The following CCBE1 variants were observed in gnomAD, a reference collection of about 807,000 sequenced individuals.
The protein encoded by CCBE1 is collagen and calcium binding EGF domains 1.
A neutral mutation model predicts 50.0 loss-of-function variants in CCBE1; 37 were observed. The observed-to-expected ratio is 0.74, with a 90% CI of 0.57 to 0.97. CCBE1 has a LOEUF of 0.97. Ranked by LOEUF, CCBE1 falls within the 50% of genes least tolerant of loss-of-function variation. CCBE1 has a pLI of 0.00. For missense variants in CCBE1, 538 were observed against 523.8 expected (o/e 1.03, Z -0.26); for synonymous variants, 234 against 203.7 (o/e 1.15, Z -1.27).
chr18:59,578,034 A>G (rs1423950282), intron 2 of CCBE1, among the ~76,000 whole-genome samples: 1 of 152,238 alleles, frequency 6.6e-6, no homozygotes, highest in African/African-American at 2.4e-5. Context: ...AACCTACAGA[A>G]TGGGAGAAAA....
chr18:59,614,040 G>A (rs1284544969), intron 2 of CCBE1, among the ~76,000 whole-genome samples: 1 of 151,878 alleles, frequency 6.6e-6, no homozygotes, highest in African/African-American at 2.4e-5. Context: ...GTGGAGTCTC[G>A]CTCTGCACTG....
At chr18:59,589,009 C>A (rs2053219129) in intron 2 of CCBE1, among the ~76,000 whole-genome samples, 1 of 152,168 alleles carries the variant, frequency 6.6e-6, no homozygotes. Context: ...TCCCAGCATC[C>A]CAGAGGGAGG....
intron 2 of CCBE1, among the ~76,000 whole-genome samples, chr18:59,568,983 C>G (rs1307436154): frequency 6.6e-6 from 1 of 152,226 alleles, no homozygotes; most frequent in Non-Finnish European, 1.5e-5. Flanking sequence ...CCACTACCTT[C>G]ACGGATGTCT....
At chr18:59,585,535 T>A (rs2053167040) in intron 2 of CCBE1, among the ~76,000 whole-genome samples, 1 of 152,180 alleles carries the variant, frequency 6.6e-6, no homozygotes, top group Admixed American at 6.5e-5. Context: ...TCCATTGGGA[T>A]TTTCTGAGAA....
chr18:59,493,545 CTTTTTTTT>C (rs56316631), intron 2 of CCBE1, among the ~76,000 whole-genome samples: 1 of 149,258 alleles, frequency 6.7e-6, no homozygotes, highest in African/African-American at 2.5e-5. Flanking sequence ...CTCATAAAAA[CTTTTTTTT>C]TTTTAACAGG....
chr18:59,693,489 A>G (rs1446537138), intron 2 of CCBE1, among the ~76,000 whole-genome samples: 1 of 152,104 alleles, frequency 6.6e-6, no homozygotes, highest in African/African-American at 2.4e-5. Context: ...AAAAGGGGGA[A>G]AAAAAGAACC....
intron 2 of CCBE1, among the ~76,000 whole-genome samples, chr18:59,680,345 C>A (rs1013489332): frequency 6.6e-6 from 1 of 152,098 alleles, no homozygotes; most frequent in Non-Finnish European, 1.5e-5. Context: ...TCCAGTTTGA[C>A]TTTTCCCTTT....
At position 59,454,404 on chromosome 18, in the gene CCBE1, C is replaced by T. The variant is rs999674420; in HGVS notation, c.654+447G>A. Among the ~76,000 whole-genome samples, 7 of 152,088 alleles carry T rather than the reference C, an allele frequency of 4.6e-5. No individual in the cohort carries two copies. The East Asian group carries it at 1.4e-3, about 29-fold the overall frequency. On this transcript the variant is annotated intron_variant, in intron 6 of 10. Coordinates refer to ENST00000439986, the MANE Select transcript of CCBE1 (RefSeq NM_133459.4). ...GGATTACAGGTGCCCACCACCACAC[C>T]CAGCTAATTTTTGTATTTTTTAGTA...
chr18:59,665,134 T>C (rs1390605857), intron 2 of CCBE1, among the ~76,000 whole-genome samples: 1 of 151,922 alleles, frequency 6.6e-6, no homozygotes, highest in East Asian at 1.9e-4. Flanking sequence ...TCTTAGTGCA[T>C]GTACAACTTC....
At chr18:59,495,833 C>T (rs886800090) in intron 2 of CCBE1, among the ~76,000 whole-genome samples, 6 of 152,096 alleles carry the variant, frequency 3.9e-5, no homozygotes, top group Non-Finnish European at 8.8e-5. Flanking sequence ...CTGCCGCTCT[C>T]GGGTGGTAAT....
intron 2 of CCBE1, among the ~76,000 whole-genome samples, chr18:59,482,483 G>A (rs1050030559): frequency 3.9e-5 from 6 of 152,202 alleles, no homozygotes; most frequent in Admixed American, 2.6e-4. Context: ...CTACTATAAA[G>A]ATACAGGCAC....
intron 2 of CCBE1, among the ~76,000 whole-genome samples, chr18:59,692,399 C>CAA (rs1248750752): frequency 2.6e-5 from 4 of 152,166 alleles, no homozygotes; most frequent in African/African-American, 4.8e-5. Flanking sequence ...CTCAAGGTCA[C>CAA]AAAACCACCA....
chr18:59,605,391 G>A (rs1237417294), intron 2 of CCBE1, among the ~76,000 whole-genome samples: 13 of 152,170 alleles, frequency 8.5e-5, no homozygotes, highest in Non-Finnish European at 2.9e-5. Flanking sequence ...TTGGAATAAG[G>A]CATGAACTAG....
intron 2 of CCBE1, among the ~76,000 whole-genome samples, chr18:59,638,444 CT>C (rs202145130): frequency 0.015 from 2,316 of 152,300 alleles, 32 homozygotes; most frequent in Middle Eastern, 0.054. Context: ...ATCAGCACCA[CT>C]AGAGAACTTG....
At chr18:59,458,142 ATCC>A (rs1911286612) in intron 5 of CCBE1, among the ~76,000 whole-genome samples, 1 of 148,674 alleles carries the variant, frequency 6.7e-6, no homozygotes, top group African/African-American at 2.4e-5. Context: ...CCATCCATCC[ATCC>A]ATCTATCCAT....
chr18:59,562,438 A>T (rs572218847), intron 2 of CCBE1, among the ~76,000 whole-genome samples: 1 of 152,250 alleles, frequency 6.6e-6, no homozygotes, highest in Admixed American at 6.5e-5. Context: ...GCACAGAGAG[A>T]GGCAGAGACA....
chr18:59,437,424 G>C (rs113806257), intron 10 of CCBE1, among the ~76,000 whole-genome samples: 8 of 152,288 alleles, frequency 5.3e-5, no homozygotes, highest in African/African-American at 1.9e-4. Context: ...ACTGCACAGT[G>C]GGGGGCAAGA....
chr18:59,671,649 C>A (rs1469376762), intron 2 of CCBE1, among the ~76,000 whole-genome samples: 1 of 151,938 alleles, frequency 6.6e-6, no homozygotes, highest in Non-Finnish European at 1.5e-5. Context: ...ATGAACAGAG[C>A]TCAATAGGAA....
intron 2 of CCBE1, among the ~76,000 whole-genome samples, chr18:59,645,183 C>T (rs1326385312): frequency 1.3e-5 from 2 of 152,156 alleles, no homozygotes; most frequent in African/African-American, 2.4e-5. Context: ...GAGCCAAGAT[C>T]GCACCACTGC....
Sources: gnomAD v4.1 joint callset for allele counts (sites outside exome capture counted in the v4.1 genomes callset) on GRCh38, gnomAD v4.1.1 for gene constraint, MANE v1.5 for transcripts, NCBI Gene and HGNC (gene_info 2026-07-23, HGNC 2026-07-21) for gene names.